Variants in KIAA1549 observed in about 807,000 individuals in gnomAD.
KIAA1549 encodes KIAA1549, also known as UPF0606 protein KIAA1549.
Under a neutral mutation model 156.4 loss-of-function variants are expected in KIAA1549, and 70 were observed. That is an observed-to-expected ratio of 0.45 (90% CI 0.37 to 0.55). The LOEUF (loss-of-function observed/expected upper bound fraction) is 0.55. Ranked by LOEUF, KIAA1549 falls within the 20% of genes least tolerant of loss-of-function variation. The probability of loss-of-function intolerance (pLI) is 0.00; values close to 1 mark genes in which losing one functional copy is unlikely to be tolerated. For synonymous variants in KIAA1549, 1,103 were observed against 1,066.4 expected (o/e 1.03, Z -0.67); for missense variants, 2,428 against 2,540.9 (o/e 0.96, Z 0.96).
At chr7:138,943,458 T>G (rs34036358) in intron 1 of KIAA1549, among the ~76,000 whole-genome samples, 6,003 of 152,330 alleles carry the variant, frequency 0.039, 131 homozygotes, top group African/African-American at 0.046. Context: ...CTTATTCTTT[T>G]TATAATTGAC....
intron 1 of KIAA1549, among the ~76,000 whole-genome samples, chr7:138,976,694 G>A (rs563428371): frequency 3.3e-5 from 5 of 152,294 alleles, no homozygotes; most frequent in African/African-American, 9.6e-5. Context: ...TCCACTGGGG[G>A]TCTTGGACCA....
intron 1 of KIAA1549, among the ~76,000 whole-genome samples, chr7:138,965,043 C>T (rs960630055): frequency 3.3e-5 from 5 of 151,718 alleles, no homozygotes; most frequent in Admixed American, 3.3e-4. Context: ...TCACTGCAGC[C>T]TTAACCTCCT....
chr7:138,896,057 T>C (rs1811675953), intron 9 of KIAA1549, among the ~76,000 whole-genome samples: 1 of 152,006 alleles, frequency 6.6e-6, no homozygotes, highest in African/African-American at 2.4e-5. Context: ...ACTAGCTCTT[T>C]GTTTTGCACA....
chr7:138,855,262 T>C (rs1239779965), intron 16 of KIAA1549, among the ~76,000 whole-genome samples: 1 of 152,216 alleles, frequency 6.6e-6, no homozygotes, highest in Non-Finnish European at 1.5e-5. Flanking sequence ...GTCTTCCTCC[T>C]CTTTTCCAGT....
In KIAA1549 at chr7:138,869,681, G is replaced by A. The variant is rs368842643; in HGVS notation, c.4632C>T (p.His1544=). ...GGTCGTCTACCACCGGGAACTCGTA[G>A]TGCCCGCGGCGCTTGGCGCGCAGGC... ...KIRLRAKRRG[H]YEFPVVDDLS... Residue 1544 remains histidine (H), a synonymous_variant, in exon 14 of 20, where the codon CAC becomes CAT. Coordinates refer to ENST00000422774, the MANE Select transcript of KIAA1549 (RefSeq NM_001164665.2). 5 of 1,612,394 alleles carry A rather than the reference G, an allele frequency of 3.1e-6. No homozygotes were observed. The highest frequency in any genetic ancestry group is 4.2e-6 in the Non-Finnish European group (5 of 1,179,882).
chr7:138,852,614 C>T (rs1441950961), intron 16 of KIAA1549, among the ~76,000 whole-genome samples: 2 of 152,190 alleles, frequency 1.3e-5, no homozygotes, highest in Non-Finnish European at 2.9e-5. Context: ...TGCTAAAAGG[C>T]CTCATATCTT....
Position 138,917,757 on chromosome 7 carries a change from T to G in KIAA1549, c.1869A>C (p.Ala623=), listed in dbSNP as rs752370713. ...EHKPRGALDF[A]SSFFSTPPLE... is the part of the protein sequence containing the mutation. ...GCGGGGGTGTTGAGAAAAAGCTGGA[T>G]GCAAAATCCAAAGCACCTCTGGGTT... The change falls in exon 2 of 20, where the codon GCA becomes GCC. Residue 623 remains alanine (A), a synonymous_variant. Transcript: ENST00000422774. 8.9e-6 allele frequency: 14 copies of G among 1,581,656 alleles called. No individual in the cohort carries two copies. Among genetic ancestry groups the G allele is most frequent in the Admixed American group, 1.9e-5 (1 of 54,030 alleles).
chr7:138,882,488 G>A (rs1198005704), intron 10 of KIAA1549, among the ~76,000 whole-genome samples: 2 of 152,042 alleles, frequency 1.3e-5, no homozygotes, highest in Non-Finnish European at 2.9e-5. Context: ...GGTGTAGCTG[G>A]AGGTGAGGAA....
At chr7:138,909,975 G>C (rs1409906488) in intron 4 of KIAA1549, among the ~76,000 whole-genome samples, 3 of 151,998 alleles carry the variant, frequency 2.0e-5, no homozygotes, top group Admixed American at 2.0e-4. Flanking sequence ...AGAAATCACT[G>C]TTAACTTCAT....
chr7:138,899,075 C>A lies in KIAA1549; in HGVS notation c.3727G>T (p.Val1243Leu). ...DDNPVQLIYF[V>L]EDQDGERLSA... ...AGTCTTTCTCCATCTTGATCCTCCA[C>A]AAAGTAGATGAGCTGTACCGGATTG... The change falls in exon 9 of 20, where the codon GTG (valine) becomes TTG (leucine). Residue 1243 changes from valine to leucine, a missense_variant. By Grantham distance (32) the Val-to-Leu change is conservative. Transcript: ENST00000422774. The A allele has an allele frequency of 6.2e-7, 1 of 1,613,850 alleles. No homozygotes were observed. The highest frequency in any genetic ancestry group is 2.2e-5 in the East Asian group (1 of 44,882).
chr7:138,961,672 G>A (rs1237293809), intron 1 of KIAA1549, among the ~76,000 whole-genome samples: 3 of 151,936 alleles, frequency 2.0e-5, no homozygotes, highest in Non-Finnish European at 4.4e-5. Context: ...TGATGATGAT[G>A]CCACTATCAA....
In KIAA1549 at chr7:138,908,997, C is replaced by A. The variant is rs758922073; in HGVS notation, c.3270G>T (p.Thr1090=). ...CATTCAGTGATATTCTCACCTGCACCGTGAGGTTATACGTTCCCTGGTGGT... is the reference window on the plus strand; with the variant it reads ...CATTCAGTGATATTCTCACCTGCACAGTGAGGTTATACGTTCCCTGGTGGT... The part of the protein sequence containing the change: ...RKHHQGTYNL[T]VQILNITISS... Residue 1090 remains threonine, a synonymous_variant, in exon 5 of 20, where the codon ACG becomes ACT. Coordinates refer to ENST00000422774, the MANE Select transcript of KIAA1549 (RefSeq NM_001164665.2). 1.4e-5 allele frequency: 22 copies of A among 1,613,878 alleles called. No individual in the cohort carries two copies. Among genetic ancestry groups the A allele is most frequent in the Non-Finnish European group, 1.8e-5 (21 of 1,179,890 alleles).
intron 4 of KIAA1549, among the ~76,000 whole-genome samples, chr7:138,909,554 T>G (rs1812109675): frequency 6.6e-6 from 1 of 152,242 alleles, no homozygotes; most frequent in Non-Finnish European, 1.5e-5. Context: ...ATAAATTTTT[T>G]TTAAGCTTAA....
chr7:138,941,810 G>T (rs1240397454), intron 1 of KIAA1549, among the ~76,000 whole-genome samples: 6 of 152,196 alleles, frequency 3.9e-5, no homozygotes, highest in Non-Finnish European at 5.9e-5. Flanking sequence ...GGTAGGGAAG[G>T]GAAGCAGGAG....
In KIAA1549 at chr7:138,918,578, C is replaced by A; in HGVS notation, c.1048G>T (p.Ala350Ser). ...RTYPTVTASH[A>S]ALAFSRTHSP... ...TGTGTCCTGCTGAATGCAAGGGCTGCGTGCGATGCAGTCACAGTGGGGTAT... is the reference window on the plus strand; with the variant it reads ...TGTGTCCTGCTGAATGCAAGGGCTGAGTGCGATGCAGTCACAGTGGGGTAT... The change falls in exon 2 of 20, where the codon GCA becomes TCA. Residue 350 changes from alanine (A) to serine (S), a missense_variant. By Grantham distance (99) the Ala-to-Ser change is moderately conservative. Around this residue, in one of 5 missense-constraint regions of KIAA1549, gnomAD observed 893 missense variants for 847.9 expected, o/e 1.05. Transcript: ENST00000422774. The surrounding 1 kb of genome is among the most constrained non-coding windows in gnomAD (Gnocchi z 4.2). The A allele has an allele frequency of 6.2e-7, 1 of 1,614,024 alleles. No individual in the cohort carries two copies. The highest frequency in any genetic ancestry group is 8.5e-7 in the Non-Finnish European group (1 of 1,179,898).
Position 138,918,475 on chromosome 7 carries a change from G to C in KIAA1549, c.1151C>G (p.Pro384Arg). Residue 384 changes from proline to arginine, a missense_variant, in exon 2 of 20, where the codon CCT becomes CGT. Physicochemically the swap from Pro to Arg is moderately radical, Grantham distance 103. Around this residue, in one of 5 missense-constraint regions of KIAA1549, gnomAD observed 893 missense variants for 847.9 expected, o/e 1.05. Transcript: ENST00000422774. The surrounding 1 kb of genome is among the most constrained non-coding windows in gnomAD (Gnocchi z 4.2). ...PTDVSSNPFL[P>R]SDSSKTSELH... Reference sequence around the variant, plus strand: ...TTCGGATGTTTTGCTGGAGTCGCTAGGGAGAAAGGGGTTAGATGAAACATC... The same window carrying C: ...TTCGGATGTTTTGCTGGAGTCGCTACGGAGAAAGGGGTTAGATGAAACATC... The C allele has an allele frequency of 6.2e-7, 1 of 1,614,018 alleles. No individual in the cohort carries two copies.
chr7:138,918,051 G>T lies in KIAA1549; in HGVS notation c.1575C>A (p.His525Gln). The change falls in exon 2 of 20, where the codon CAC becomes CAA. Residue 525 changes from histidine to glutamine, a missense_variant. Physicochemically the swap from His to Gln is conservative, Grantham distance 24 (BLOSUM62 0). Coordinates refer to ENST00000422774, the MANE Select transcript of KIAA1549 (RefSeq NM_001164665.2). This position sits in a 1 kb window ranked among gnomAD's most constrained non-coding sequence, Gnocchi z 4.2. ...SVTTTQVPPAHGRLSVPASLD... is the reference protein window; with the variant it reads ...SVTTTQVPPAQGRLSVPASLD... ...GTGACGCCGGCACAGAGAGGCGGCC[G>T]TGGGCAGGGGGAACCTGTGTGGTTG... is the stretch of plus-strand genomic sequence containing the variant. The T allele has an allele frequency of 6.2e-7, 1 of 1,612,500 alleles. No individual in the cohort carries two copies. The highest frequency in any genetic ancestry group is 1.1e-5 in the South Asian group (1 of 90,694).
intron 17 of KIAA1549, among the ~76,000 whole-genome samples, chr7:138,850,732 T>C (rs1275632313): frequency 1.3e-5 from 2 of 152,172 alleles, no homozygotes; most frequent in African/African-American, 4.8e-5. Flanking sequence ...ATTTTTGCTT[T>C]TGTTGTGATT....
At chr7:138,862,519 A>G (rs1049266534) in intron 15 of KIAA1549, among the ~76,000 whole-genome samples, 1 of 150,894 alleles carries the variant, frequency 6.6e-6, no homozygotes, top group African/African-American at 2.5e-5. Context: ...AAAAAAAAAG[A>G]AAAAGAAAAA....
Sources: gnomAD v4.1 joint callset for allele counts (sites outside exome capture counted in the v4.1 genomes callset) on GRCh38, gnomAD v4.1.1 for gene constraint, gnomAD v4.1.1 regional missense constraint, Gnocchi (gnomAD v3.1) non-coding constraint, MANE v1.5 for transcripts, NCBI Gene and HGNC (gene_info 2026-07-23, HGNC 2026-07-21) for gene names.